The following TSPEAR variants were observed in gnomAD, a reference collection of about 807,000 sequenced individuals.
TSPEAR encodes the protein thrombospondin type laminin G domain and EAR repeats.
TSPEAR carries 69 observed loss-of-function variants against 71.6 expected under a neutral mutation model. The ratio of observed to expected loss-of-function variants is 0.96; its 90% CI spans 0.79 to 1.18. The LOEUF (loss-of-function observed/expected upper bound fraction) is 1.18, where lower values mean the gene tolerates loss of function less well. Ranked by LOEUF, TSPEAR falls within the 50% of genes most tolerant of loss-of-function variation. The pLI, the probability that TSPEAR is intolerant of heterozygous loss-of-function variation, is 0.00. For synonymous variants in TSPEAR, 402 were observed against 387.2 expected (o/e 1.04, Z -0.45); for missense variants, 971 against 894.9 (o/e 1.09, Z -1.09).
chr21:44,594,054 C>T lies in TSPEAR; in HGVS notation c.83-26049G>A, dbSNP rs117573704. The stretch of plus-strand genomic sequence containing the variant: ...ACTTCTGAGGTTTAGGGCCTCATTG[C>T]GACCCATTGACATGATAAGACTCCA... On this transcript the variant is annotated intron_variant, in intron 1 of 11. Coordinates refer to ENST00000323084, the MANE Select transcript of TSPEAR (RefSeq NM_144991.3). Among the ~76,000 whole-genome samples, 1,169 of 152,230 alleles carry T rather than the reference C, an allele frequency of 7.7e-3. 12 individuals carry two copies. The highest frequency in any genetic ancestry group is 9.1e-3 in the Non-Finnish European group (619 of 67,998).
At position 44,562,625 on chromosome 21, in the gene TSPEAR, A is replaced by G. The variant is rs115687924; in HGVS notation, c.303+5160T>C. 9.1e-3 allele frequency among the ~76,000 whole-genome samples: 1,387 copies of G among 152,316 alleles called. 20 individuals are homozygous for G. The highest frequency in any genetic ancestry group is 0.032 in the African/African-American group (1,311 of 41,576). On this transcript the variant is annotated intron_variant, in intron 2 of 11. Transcript: ENST00000323084. ...GAGAAAATCTTGAAAGCAGCAAGAG[A>G]AAAACAAGTTATTTATAAGAGAACC...
chr21:44,601,403 G>T (rs1555928737), intron 1 of TSPEAR: 1 of 1,612,478 alleles, frequency 6.2e-7, no homozygotes. Context: ...TCCTCCCAAA[G>T]CCAGCAGGGC....
chr21:44,654,570 A>G, intron 1 of TSPEAR: 1 of 1,605,102 alleles, frequency 6.2e-7, no homozygotes, highest in Non-Finnish European at 8.5e-7. Flanking sequence ...ACGGGGAGCC[A>G]GGGCAGGCCA....
At chr21:44,619,330 A>G (rs1982304435) in intron 1 of TSPEAR, among the ~76,000 whole-genome samples, 1 of 152,244 alleles carries the variant, frequency 6.6e-6, no homozygotes. Context: ...ACAAACAAAA[A>G]CAACCACAAT....
chr21:44,509,060 C>T (rs1419365938), intron 10 of TSPEAR, 139 bp downstream of exon 10: 5 of 1,384,388 alleles, frequency 3.6e-6, no homozygotes, highest in Non-Finnish European at 3.0e-6. Context: ...GGAAGGTCCC[C>T]AGGCCATTCT....
intron 1 of TSPEAR, among the ~76,000 whole-genome samples, chr21:44,706,037 T>C (rs7283606): frequency 0.92 from 139,761 of 152,178 alleles, 64,408 homozygotes; most frequent in African/African-American, 0.97. Flanking sequence ...AGCCAGTCGA[T>C]GCTTAGGAAA....
At chr21:44,573,778 A>T (rs1569193992) in intron 1 of TSPEAR, 1 of 1,613,784 alleles carries the variant, frequency 6.2e-7, no homozygotes. Context: ...TGCTCCAGCG[A>T]CCTGAGCTAC....
chr21:44,567,726 G>C (rs1288689313), intron 2 of TSPEAR, 59 bp downstream of exon 2: 28 of 1,450,140 alleles, frequency 1.9e-5, no homozygotes, highest in Non-Finnish European at 2.6e-5. Context: ...GTTGGTACTG[G>C]GAACCTCACA....
chr21:44,558,630 G>A lies in TSPEAR; in HGVS notation c.303+9155C>T, dbSNP rs370639513. On this transcript the variant is annotated intron_variant, in intron 2 of 11. Coordinates refer to ENST00000323084, the MANE Select transcript of TSPEAR (RefSeq NM_144991.3). ...GCAGCAGCTGGTGGCGCAGCAGGGG[G>A]GCTCACAGCAGCTCTCTGGGCAGGC... 8 of 1,612,762 alleles carry A rather than the reference G, an allele frequency of 5.0e-6. No homozygotes were observed. In the African/African-American group the frequency reaches 8.0e-5, roughly 16 times the overall value.
At chr21:44,595,643 C>T (rs1411482697) in intron 1 of TSPEAR, among the ~76,000 whole-genome samples, 1 of 152,178 alleles carries the variant, frequency 6.6e-6, no homozygotes, top group Non-Finnish European at 1.5e-5. Flanking sequence ...ATCAGAGCAT[C>T]GTGGAGGAAC....
chr21:44,648,883 C>T (rs587619578), intron 1 of TSPEAR, among the ~76,000 whole-genome samples: 162 of 152,342 alleles, frequency 1.1e-3, no homozygotes, highest in African/African-American at 3.4e-3. Flanking sequence ...GTCAAGCTGC[C>T]GTGCCAGACG....
chr21:44,590,159 C>T (rs77878914), intron 1 of TSPEAR, among the ~76,000 whole-genome samples: 3 of 152,208 alleles, frequency 2.0e-5, no homozygotes, highest in South Asian at 4.1e-4. Flanking sequence ...TGGTGCTGGT[C>T]GCCTCTGGCG....
chr21:44,572,193 G>A (rs170850), intron 1 of TSPEAR, among the ~76,000 whole-genome samples: 37,339 of 152,102 alleles, frequency 0.25, 4,830 homozygotes, highest in Non-Finnish European at 0.28. Context: ...ACACCCAACC[G>A]GTCAAGGTCG....
intron 1 of TSPEAR, among the ~76,000 whole-genome samples, chr21:44,704,923 C>T (rs1987838190): frequency 6.6e-6 from 1 of 152,118 alleles, no homozygotes. Context: ...CCCGCCCCGC[C>T]CAGACGCACT....
At chr21:44,608,495 C>T (rs1981453852) in intron 1 of TSPEAR, among the ~76,000 whole-genome samples, 1 of 152,204 alleles carries the variant, frequency 6.6e-6, no homozygotes, top group Non-Finnish European at 1.5e-5. Context: ...TGAACGTTCA[C>T]TGACACACTG....
chr21:44,525,878 G>A (rs2052845594), intron 7 of TSPEAR, 39 bp from the exon 8 acceptor site: 2 of 1,604,040 alleles, frequency 1.2e-6, no homozygotes, highest in African/African-American at 2.7e-5. Flanking sequence ...GTTCTGCTTG[G>A]GTCGGTGCCA....
At chr21:44,551,638 C>T (rs192222571) in intron 2 of TSPEAR, 26 of 840,766 alleles carry the variant, frequency 3.1e-5, no homozygotes, top group South Asian at 5.4e-5. Flanking sequence ...TGTTTGGAGC[C>T]GGGAGGACCC....
intron 1 of TSPEAR, among the ~76,000 whole-genome samples, chr21:44,653,152 A>G (rs187828477): frequency 6.6e-6 from 1 of 152,210 alleles, no homozygotes; most frequent in East Asian, 1.9e-4. Flanking sequence ...GCGAGACTCC[A>G]TCTCAAAAAA....
chr21:44,612,313 C>T lies in TSPEAR; in HGVS notation c.83-44308G>A. ...CTAGCTGCTGTGCCCCAGCCCCCTGCCTGGCCCTGGTCTGTGCCCCAGTGA... is the reference window on the plus strand; with the variant it reads ...CTAGCTGCTGTGCCCCAGCCCCCTGTCTGGCCCTGGTCTGTGCCCCAGTGA... On this transcript the variant is annotated intron_variant, in intron 1 of 11. Coordinates refer to ENST00000323084, the MANE Select transcript of TSPEAR (RefSeq NM_144991.3). The surrounding 1 kb of genome is among the most constrained non-coding windows in gnomAD (Gnocchi z 4.1). 6.2e-7 allele frequency: 1 copy of T among 1,613,676 alleles called. No homozygotes were observed. The highest frequency in any genetic ancestry group is 8.5e-7 in the Non-Finnish European group (1 of 1,179,998).
Sources: allele counts gnomAD v4.1 joint callset (sites outside exome capture counted in the v4.1 genomes callset), GRCh38; gene constraint gnomAD v4.1.1; non-coding constraint Gnocchi (gnomAD v3.1); transcripts MANE v1.5; gene names NCBI Gene and HGNC (gene_info 2026-07-23, HGNC 2026-07-21).